Variants in TENM4 observed in about 807,000 individuals in gnomAD.
TENM4 encodes teneurin-4.
A neutral mutation model predicts 243.3 loss-of-function variants in TENM4; 82 were observed. The ratio of observed to expected loss-of-function variants is 0.34; its 90% CI spans 0.28 to 0.40. The LOEUF is 0.40. TENM4 is among the 10% of genes least tolerant of loss of function. The probability of loss-of-function intolerance (pLI) is 1.00; values close to 1 mark genes in which losing one functional copy is unlikely to be tolerated. For synonymous variants in TENM4, 1,412 were observed against 1,456.3 expected, an observed-to-expected ratio of 0.97 and a Z score of 0.69; for missense variants, 3,138 against 3,673.3, an observed-to-expected ratio of 0.85 and a Z score of 3.77.
Position 79,124,893 on chromosome 11 carries a change from A to ATGTGTGTGTG in TENM4, c.-66+23807_-66+23816dup, listed in dbSNP as rs71050209. On this transcript the variant is annotated intron_variant, in intron 4 of 33. Coordinates refer to ENST00000278550, the MANE Select transcript of TENM4 (RefSeq NM_001098816.3). ...TGTATGTGTATATATGTATATGTAT[A>ATGTGTGTGTG]TGTGTGTGTGTGTGTGTGTGTGTGT... Among the ~76,000 whole-genome samples the ATGTGTGTGTG allele has an allele frequency of 7.2e-4, 80 of 111,758 alleles. 2 individuals carry two copies. The highest frequency in any genetic ancestry group is 1.6e-3 in the African/African-American group (55 of 34,084). The allele number at this position is 111,758 out of a possible 152,430, so 73.3% of individuals were successfully genotyped here.
intron 4 of TENM4, among the ~76,000 whole-genome samples, chr11:79,130,379 C>A (rs11512972): frequency 6.6e-6 from 1 of 151,620 alleles, no homozygotes. Flanking sequence ...GGATCTAAAC[C>A]AAGAAGAAAT....
intron 1 of TENM4, chr11:79,439,328 G>A (rs1489965759): frequency 4.6e-5 from 7 of 152,202 alleles, no homozygotes; most frequent in Admixed American, 3.3e-4. Flanking sequence ...CCACGGTTAG[G>A]GGGTGGGAGG....
At position 78,812,331 on chromosome 11, in the gene TENM4, C is replaced by T; in HGVS notation, c.1784-15G>A. 6.5e-7 allele frequency: 1 copy of T among 1,548,106 alleles called. No individual in the cohort carries two copies. Among genetic ancestry groups the T allele is most frequent in the Non-Finnish European group, 8.7e-7 (1 of 1,144,004 alleles). The stretch of plus-strand genomic sequence containing the variant: ...GGGGCAGGAGGCTGGGGAGACAGCA[C>T]CGGAGTCTGGCATGAATCAATGTCC... On this transcript the variant is annotated splice_polypyrimidine_tract_variant and intron_variant, in intron 13 of 33. Coordinates refer to ENST00000278550, the MANE Select transcript of TENM4 (RefSeq NM_001098816.3).
intron 9 of TENM4, among the ~76,000 whole-genome samples, chr11:78,880,457 TAAAA>T (rs71763484): frequency 3.5e-3 from 364 of 104,446 alleles, no homozygotes; most frequent in African/African-American, 0.023. Context: ...CAATAAATAC[TAAAA>T]AAAAAAAAAA....
At chr11:79,319,799 C>G in intron 1 of TENM4, among the ~76,000 whole-genome samples, 1 of 152,128 alleles carries the variant, frequency 6.6e-6, no homozygotes, top group East Asian at 1.9e-4. Context: ...ACCTTCTCTA[C>G]TGTGCAGTGA....
At chr11:78,929,321 T>G (rs1856620876) in intron 6 of TENM4, among the ~76,000 whole-genome samples, 1 of 152,208 alleles carries the variant, frequency 6.6e-6, no homozygotes, top group Admixed American at 6.5e-5. Flanking sequence ...CAGAATCGGC[T>G]ACATTACAGT....
intron 33 of TENM4, among the ~76,000 whole-genome samples, chr11:78,659,729 G>C (rs534929005): frequency 2.7e-4 from 41 of 152,272 alleles, no homozygotes; most frequent in African/African-American, 9.4e-4. Flanking sequence ...GGCTCCTGGG[G>C]TGCCCCTACT....
At chr11:79,078,443 G>T (rs890633300) in intron 4 of TENM4, among the ~76,000 whole-genome samples, 1 of 152,096 alleles carries the variant, frequency 6.6e-6, no homozygotes, top group East Asian at 1.9e-4. Flanking sequence ...TTAAAGTGGG[G>T]GTGGGGAGGA....
chr11:78,686,442 A>G (rs1248434572), intron 29 of TENM4, among the ~76,000 whole-genome samples: 2 of 152,086 alleles, frequency 1.3e-5, no homozygotes, highest in East Asian at 3.9e-4. Flanking sequence ...CAGTAAATTA[A>G]CTGAACCCAA....
At chr11:79,049,241 C>A (rs1010490160) in intron 6 of TENM4, among the ~76,000 whole-genome samples, 1 of 152,184 alleles carries the variant, frequency 6.6e-6, no homozygotes, top group Admixed American at 6.5e-5. Context: ...TAGCACTGGC[C>A]CACTGTGAGA....
chr11:79,433,276 C>A (rs548151283), intron 1 of TENM4, among the ~76,000 whole-genome samples: 1 of 152,080 alleles, frequency 6.6e-6, no homozygotes, highest in Non-Finnish European at 1.5e-5. Context: ...ATTCTTGGGC[C>A]CCTCCCCAGA....
chr11:79,238,635 T>A (rs1215801972), intron 2 of TENM4, among the ~76,000 whole-genome samples: 2 of 152,096 alleles, frequency 1.3e-5, no homozygotes, highest in Admixed American at 6.6e-5. Context: ...CAAGCCCTCA[T>A]AATTGCCAAA....
chr11:78,909,205 AAC>A (rs1389851017), intron 6 of TENM4, among the ~76,000 whole-genome samples: 1 of 152,228 alleles, frequency 6.6e-6, no homozygotes, highest in Non-Finnish European at 1.5e-5. Flanking sequence ...TGGATATACA[AAC>A]AGATATATAC....
intron 25 of TENM4, among the ~76,000 whole-genome samples, chr11:78,713,538 T>C (rs189000408): frequency 6.6e-6 from 1 of 152,230 alleles, no homozygotes; most frequent in Admixed American, 6.5e-5. Context: ...ATCAGAACAG[T>C]CTGGGTTCCA....
intron 4 of TENM4, among the ~76,000 whole-genome samples, chr11:79,074,509 G>A (rs1388991894): frequency 1.3e-5 from 2 of 152,202 alleles, no homozygotes; most frequent in Non-Finnish European, 2.9e-5. Flanking sequence ...ACCCATGAGC[G>A]TGACATCCAA....
At chr11:79,025,293 G>C (rs1444478581) in intron 6 of TENM4, among the ~76,000 whole-genome samples, 1 of 152,140 alleles carries the variant, frequency 6.6e-6, no homozygotes, top group Admixed American at 6.5e-5. Context: ...ATGAATGAAT[G>C]AATGAGTGAT....
At chr11:79,280,640 C>T (rs1294443596) in intron 2 of TENM4, among the ~76,000 whole-genome samples, 1 of 152,232 alleles carries the variant, frequency 6.6e-6, no homozygotes, top group African/African-American at 2.4e-5. Context: ...CGTGTCCCTG[C>T]CTCCAAGCCT....
chr11:79,029,218 A>G (rs1014725562), intron 6 of TENM4, among the ~76,000 whole-genome samples: 5 of 152,082 alleles, frequency 3.3e-5, no homozygotes, highest in Non-Finnish European at 7.3e-5. Flanking sequence ...TGGGGATGCA[A>G]ACAAAGTAAG....
intron 4 of TENM4, chr11:79,092,734 T>C (rs899175990): frequency 6.6e-6 from 1 of 152,242 alleles, no homozygotes; most frequent in Admixed American, 6.5e-5. Flanking sequence ...AACACCTATT[T>C]TGTGCCAGGC....
Sources: gnomAD v4.1 joint callset for allele counts (sites outside exome capture counted in the v4.1 genomes callset) on GRCh38, gnomAD v4.1.1 for gene constraint, MANE v1.5 for transcripts, NCBI Gene and HGNC (gene_info 2026-07-23, HGNC 2026-07-21) for gene names.